Variants in DNMT3A observed in about 807,000 individuals in gnomAD.
DNMT3A encodes DNA methyltransferase 3 alpha.
DNMT3A carries 267 observed loss-of-function variants against 117.6 expected under a neutral mutation model. That is an observed-to-expected ratio of 2.27 (90% CI 2.05 to 2.51). The LOEUF (loss-of-function observed/expected upper bound fraction) is 2.51, where lower values mean the gene tolerates loss of function less well. DNMT3A is among the 30% of genes most tolerant of loss of function. The pLI is 0.00. For missense variants in DNMT3A, 1,029 were observed against 1,260.2 expected (o/e 0.82, Z 2.78); for synonymous variants, 432 against 474.8 (o/e 0.91, Z 1.17).
intron 6 of DNMT3A, among the ~76,000 whole-genome samples, chr2:25,265,282 G>A (rs1185354758): frequency 6.6e-6 from 1 of 152,196 alleles, no homozygotes; most frequent in Non-Finnish European, 1.5e-5. Flanking sequence ...GCATGCGGCA[G>A]GCTGGAAAGC....
intron 6 of DNMT3A, among the ~76,000 whole-genome samples, chr2:25,272,055 C>T (rs1573396828): frequency 6.6e-6 from 1 of 152,236 alleles, no homozygotes; most frequent in South Asian, 2.1e-4. Flanking sequence ...GGCACAATCT[C>T]GGCTCACTGC....
At chr2:25,332,036 A>T (rs2035031961) in intron 1 of DNMT3A, among the ~76,000 whole-genome samples, 1 of 152,078 alleles carries the variant, frequency 6.6e-6, no homozygotes, top group African/African-American at 2.4e-5. Flanking sequence ...TAAATGTCAC[A>T]CCACGCACAC....
At chr2:25,320,325 G>A (rs72810088) in intron 1 of DNMT3A, among the ~76,000 whole-genome samples, 7,942 of 152,246 alleles carry the variant, frequency 0.052, 250 homozygotes, top group South Asian at 0.085. Flanking sequence ...TGCTGTGACT[G>A]CCCGTGTGGA....
Position 25,281,168 on chromosome 2 carries a change from C to T in DNMT3A, c.448+1273G>A, listed in dbSNP as rs1389187839. ...GCCTAGACAATTCAGGACCCGTCTC[C>T]GCACCAAGTCCCATTCCAGGACAGC... is the stretch of plus-strand genomic sequence containing the variant. On this transcript the variant is annotated intron_variant, in intron 4 of 22. Coordinates refer to ENST00000321117, the MANE Select transcript of DNMT3A (RefSeq NM_022552.5). This position sits in a 1 kb window ranked among gnomAD's most constrained non-coding sequence, Gnocchi z 4.8. 6.6e-6 allele frequency among the ~76,000 whole-genome samples: 1 copy of T among 152,180 alleles called. No individual in the cohort carries two copies. Among genetic ancestry groups the T allele is most frequent in the Admixed American group, 6.5e-5 (1 of 15,286 alleles).
At chr2:25,338,893 G>T (rs916817404) in intron 1 of DNMT3A, among the ~76,000 whole-genome samples, 6 of 152,174 alleles carry the variant, frequency 3.9e-5, no homozygotes, top group African/African-American at 1.4e-4. Context: ...GGAGCTTACT[G>T]TGAATTGGAC....
rs577618452 is a variant in DNMT3A, at chr2:25,285,918, C to T, written c.178-3207G>A. 3.2e-4 allele frequency among the ~76,000 whole-genome samples: 47 copies of T among 145,004 alleles called. 1 individual carries two copies. The highest frequency in any genetic ancestry group is 9.0e-4 in the African/African-American group (35 of 38,764). ...TGGGATCCAGCTGTTCCAGGTACCC[C>T]AAAGCCCCCAACATGGCACTACCAT... On this transcript the variant is annotated intron_variant, in intron 3 of 22. Transcript: ENST00000321117.
chr2:25,287,415 C>T (rs138838835), intron 3 of DNMT3A, among the ~76,000 whole-genome samples: 2 of 152,262 alleles, frequency 1.3e-5, no homozygotes, highest in South Asian at 2.1e-4. Context: ...TACCCCCACC[C>T]GGTATACCAC....
rs1675798498 is a variant in DNMT3A at position 25,253,143 on chromosome 2, T to C, written c.640-4891A>G. Among the ~76,000 whole-genome samples the C allele has an allele frequency of 2.6e-5, 4 of 152,088 alleles. No individual in the cohort carries two copies. In the South Asian group the frequency reaches 6.2e-4, roughly 24 times the overall value. ...AAGACCTGACTCCTCTCCTGGGGCCTCCAGGTGCGGCCTCCAGGTGCAGCC... is the reference window on the plus strand; with the variant it reads ...AAGACCTGACTCCTCTCCTGGGGCCCCCAGGTGCGGCCTCCAGGTGCAGCC... On this transcript the variant is annotated intron_variant, in intron 6 of 22. Transcript: ENST00000321117.
At chr2:25,335,839 G>A (rs1368761514) in intron 1 of DNMT3A, among the ~76,000 whole-genome samples, 1 of 152,150 alleles carries the variant, frequency 6.6e-6, no homozygotes, top group Non-Finnish European at 1.5e-5. Context: ...GAGCAGGGCC[G>A]TGACCACAGG....
chr2:25,315,796 G>GCACT lies in DNMT3A; in HGVS notation c.-177-1639_-177-1636dup, dbSNP rs747976566. ...AAAAGAGAACTGGTCCAACCCAGAA[G>GCACT]CACTCGGCTGCCAGCCCTTAGCAGC... On this transcript the variant is annotated intron_variant, in intron 1 of 22. Transcript: ENST00000321117. Among the ~76,000 whole-genome samples, 65 of 152,346 alleles carry GCACT rather than the reference G, an allele frequency of 4.3e-4. 1 individual carries two copies. Among genetic ancestry groups the GCACT allele is most frequent in the Non-Finnish European group, 7.2e-4 (49 of 68,028 alleles).
At position 25,247,150 on chromosome 2, in the gene DNMT3A, AAC is replaced by A. The variant is rs768966400; in HGVS notation, c.1021_1022del (p.Val341Ter). 1.9e-6 allele frequency: 3 copies of A among 1,613,440 alleles called. No homozygotes were observed. The highest frequency in any genetic ancestry group is 1.7e-5 in the Admixed American group (1 of 59,986). The part of the protein sequence containing the change: ...FGDGKFSVVC[V>X]EKLMPLSSFC... ...ACGAGCTCAGCGGCATCAGCTTCTC[AAC>A]ACACACCTGGGGGGACAAGCCAGGC... On this transcript the variant is annotated frameshift_variant, in exon 9 of 23. Coordinates refer to ENST00000321117, the MANE Select transcript of DNMT3A (RefSeq NM_022552.5). LOFTEE classifies it high-confidence loss of function. This position sits in a 1 kb window ranked among gnomAD's most constrained non-coding sequence, Gnocchi z 5.6.
At chr2:25,299,113 G>A (rs140285372) in intron 3 of DNMT3A, among the ~76,000 whole-genome samples, 1 of 152,284 alleles carries the variant, frequency 6.6e-6, no homozygotes, top group Non-Finnish European at 1.5e-5. Context: ...ACCATTCTCA[G>A]CTGGAAGGGG....
chr2:25,277,008 T>A (rs1208293084), intron 4 of DNMT3A, among the ~76,000 whole-genome samples: 2 of 152,022 alleles, frequency 1.3e-5, no homozygotes, highest in African/African-American at 2.4e-5. Flanking sequence ...CGTGGTTCTG[T>A]CCCTGGTGAC....
Position 25,247,726 on chromosome 2 carries a change from C to T in DNMT3A, c.879G>A (p.Gly293=). 1 of 1,613,210 alleles carries T rather than the reference C, an allele frequency of 6.2e-7. No individual in the cohort carries two copies. The change falls in exon 8 of 23, where the codon GGG becomes GGA. Residue 293 remains glycine, a synonymous_variant. Coordinates refer to ENST00000321117, the MANE Select transcript of DNMT3A (RefSeq NM_022552.5). The surrounding 1 kb of genome is among the most constrained non-coding windows in gnomAD (Gnocchi z 5.6). The part of the protein sequence containing the change: ...EYEDGRGFGI[G]ELVWGKLRGF... ...CCCGCAGTTTCCCCCACACCAGCTC[C>T]CCAATGCCAAAGCCCCGGCCGTCCT... is the stretch of plus-strand genomic sequence containing the variant.
Position 25,305,107 on chromosome 2 carries a change from G to A in DNMT3A, c.73-4864C>T, listed in dbSNP as rs963624016. 6.6e-6 allele frequency among the ~76,000 whole-genome samples: 1 copy of A among 152,200 alleles called. No individual in the cohort carries two copies. The highest frequency in any genetic ancestry group is 6.5e-5 in the Admixed American group (1 of 15,272). ...AGGTGCCTGACGTGAGTCCATAGAC[G>A]CAAACAGAGACACACGTACAAATCT... On this transcript the variant is annotated intron_variant, in intron 2 of 22. Coordinates refer to ENST00000321117, the MANE Select transcript of DNMT3A (RefSeq NM_022552.5). This position sits in a 1 kb window ranked among gnomAD's most constrained non-coding sequence, Gnocchi z 4.1.
At chr2:25,302,502 A>G (rs552578966) in intron 2 of DNMT3A, among the ~76,000 whole-genome samples, 3 of 152,220 alleles carry the variant, frequency 2.0e-5, no homozygotes, top group Non-Finnish European at 4.4e-5. Context: ...GCCAGCCCCG[A>G]GGCCGGAGAT....
intron 2 of DNMT3A, among the ~76,000 whole-genome samples, chr2:25,307,240 T>C (rs1198713736): frequency 1.3e-5 from 2 of 152,242 alleles, no homozygotes; most frequent in Non-Finnish European, 2.9e-5. Flanking sequence ...CTGCAGGGTA[T>C]GACCAGGACT....
chr2:25,328,964 C>T (rs540990791), intron 1 of DNMT3A, among the ~76,000 whole-genome samples: 1 of 152,274 alleles, frequency 6.6e-6, no homozygotes. Context: ...CACAGTCCCC[C>T]AACCCCACTT....
rs187376335 is a variant in DNMT3A, at chr2:25,282,903, C to T, written c.178-192G>A. 4.1e-4 allele frequency among the ~76,000 whole-genome samples: 63 copies of T among 152,308 alleles called. No individual in the cohort carries two copies. The highest frequency in any genetic ancestry group is 7.1e-4 in the Non-Finnish European group (48 of 68,020). On this transcript the variant is annotated intron_variant, in intron 3 of 22. Transcript: ENST00000321117. This position sits in a 1 kb window ranked among gnomAD's most constrained non-coding sequence, Gnocchi z 5.2. ...AACATCAAAGGATTCCTGGGCTTGA[C>T]CCCTTGAAATCACGAGTCTGTGGAC...
Sources: allele counts gnomAD v4.1 joint callset (sites outside exome capture counted in the v4.1 genomes callset), GRCh38; gene constraint gnomAD v4.1.1; non-coding constraint Gnocchi (gnomAD v3.1); transcripts MANE v1.5; gene names NCBI Gene and HGNC (gene_info 2026-07-23, HGNC 2026-07-21).